The following ANO3 variants were observed in gnomAD, a reference collection of about 807,000 sequenced individuals.
ANO3 encodes anoctamin 3, also known as anoctamin-3.
A neutral mutation model predicts 144.8 loss-of-function variants in ANO3; 99 were observed. That is an observed-to-expected ratio of 0.68 (90% CI 0.58 to 0.81). ANO3 has a LOEUF of 0.81. Among genes scored for constraint, ANO3 ranks in the 30% least tolerant of loss-of-function variants. ANO3 has a pLI of 0.00. For missense variants in ANO3, 905 were observed against 1,202.2 expected (o/e 0.75, Z 3.66); for synonymous variants, 414 against 392.6 (o/e 1.05, Z -0.64).
intron 1 of ANO3, among the ~76,000 whole-genome samples, chr11:26,283,317 A>ATATATAT (rs1853720327): frequency 2.6e-5 from 2 of 77,590 alleles, no homozygotes; most frequent in East Asian, 4.2e-4. Flanking sequence ...TAAACAAATA[A>ATATATAT]ATAAATATAT....
At chr11:26,450,156 C>T (rs1284609163) in intron 3 of ANO3, among the ~76,000 whole-genome samples, 1 of 152,148 alleles carries the variant, frequency 6.6e-6, no homozygotes, top group Non-Finnish European at 1.5e-5. Flanking sequence ...GATGACTGTT[C>T]ACTAGATGAT....
intron 1 of ANO3, among the ~76,000 whole-genome samples, chr11:26,432,351 A>G (rs137995171): frequency 0.011 from 1,749 of 152,188 alleles, 16 homozygotes; most frequent in Non-Finnish European, 0.018. Flanking sequence ...TTCTTCCCCT[A>G]TGTAGGCTGT....
Position 26,272,378 on chromosome 11 carries a change from A to G in ANO3, c.155-37267A>G, listed in dbSNP as rs1032873118. ...ATTGTTTTAATAAAATGAAAAGGAAATTTGTGAATTTGTCCCCAGCAGGCA... is the reference window on the plus strand; with the variant it reads ...ATTGTTTTAATAAAATGAAAAGGAAGTTTGTGAATTTGTCCCCAGCAGGCA... On this transcript the variant is annotated intron_variant, in intron 1 of 27. Transcript: ENST00000672621. 1.6e-4 allele frequency among the ~76,000 whole-genome samples: 24 copies of G among 152,282 alleles called. No homozygotes were observed. The South Asian group carries it at 2.3e-3, about 14-fold the overall frequency.
intron 1 of ANO3, among the ~76,000 whole-genome samples, chr11:26,195,562 A>G (rs1393277981): frequency 6.6e-6 from 1 of 152,176 alleles, no homozygotes; most frequent in Non-Finnish European, 1.5e-5. Context: ...CATTATCTAG[A>G]CCAAAGTGAC....
chr11:26,239,579 T>C lies in ANO3; in HGVS notation c.154+50249T>C, dbSNP rs76112367. ...GATTTTTCCTTTCTTGCTACTATAG[T>C]AGCTTTTACTCTTAGTCACATTCCC... On this transcript the variant is annotated intron_variant, in intron 1 of 27. Transcript: ENST00000672621. Among the ~76,000 whole-genome samples, 1,200 of 152,248 alleles carry C rather than the reference T, an allele frequency of 7.9e-3. 18 individuals are homozygous for C. Among genetic ancestry groups the C allele is most frequent in the African/African-American group, 0.027 (1,128 of 41,546 alleles).
chr11:26,283,591 GATT>G, intron 1 of ANO3, among the ~76,000 whole-genome samples: 1 of 151,906 alleles, frequency 6.6e-6, no homozygotes, highest in Admixed American at 6.6e-5. Context: ...AAGAGAAAAG[GATT>G]ATCACTTAGT....
At chr11:26,418,814 G>A (rs1857668554) in intron 1 of ANO3, among the ~76,000 whole-genome samples, 1 of 151,948 alleles carries the variant, frequency 6.6e-6, no homozygotes, top group African/African-American at 2.4e-5. Context: ...AGTAAATGAA[G>A]AGGCATAGAT....
At chr11:26,309,935 G>A (rs996764212) in intron 1 of ANO3, among the ~76,000 whole-genome samples, 5 of 152,044 alleles carry the variant, frequency 3.3e-5, no homozygotes, top group Non-Finnish European at 7.4e-5. Context: ...TAATAAAAAC[G>A]CATTTACTTA....
At position 26,365,971 on chromosome 11, in the gene ANO3, TATATATATATATATATATATATA is replaced by T. The variant is rs1390589098; in HGVS notation, c.46+33651_46+33673del. On this transcript the variant is annotated intron_variant, in intron 1 of 26. Coordinates refer to ENST00000256737, the MANE Select transcript of ANO3 (RefSeq NM_031418.4). ...TTTTTTCTTTATATATATATATATATATATATATATATATATATATATATATATATATTTTAATTATACTTTAA... is the reference window on the plus strand; with the variant it reads ...TTTTTTCTTTATATATATATATATATTATATATATTTTAATTATACTTTAA... Among the ~76,000 whole-genome samples, 117 of 68,620 alleles carry T rather than the reference TATATATATATATATATATATATA, an allele frequency of 1.7e-3. 2 individuals carry two copies. The highest frequency in any genetic ancestry group is 7.8e-3 in the South Asian group (16 of 2,064). The allele number at this position is 68,620 out of a possible 152,430, so 45.0% of individuals were successfully genotyped here.
At chr11:26,233,545 G>A (rs1427056477) in intron 1 of ANO3, among the ~76,000 whole-genome samples, 2 of 152,260 alleles carry the variant, frequency 1.3e-5, no homozygotes, top group South Asian at 2.1e-4. Flanking sequence ...GGTTCCTCAA[G>A]GATCTAGAAC....
At chr11:26,293,088 C>G (rs1853997217) in intron 1 of ANO3, among the ~76,000 whole-genome samples, 1 of 152,188 alleles carries the variant, frequency 6.6e-6, no homozygotes, top group South Asian at 2.1e-4. Flanking sequence ...AAATTTGGGT[C>G]AGCTTCACTT....
chr11:26,202,733 A>G (rs1851722639), intron 1 of ANO3, among the ~76,000 whole-genome samples: 1 of 152,066 alleles, frequency 6.6e-6, no homozygotes, highest in Admixed American at 6.6e-5. Flanking sequence ...TGAGGAAAAA[A>G]AAAATCAGTG....
chr11:26,196,926 G>A (rs1156292440), intron 1 of ANO3, among the ~76,000 whole-genome samples: 1 of 152,146 alleles, frequency 6.6e-6, no homozygotes, highest in East Asian at 1.9e-4. Flanking sequence ...CTCATTAAGA[G>A]AGAATAAAAC....
At chr11:26,537,497 G>A in intron 10 of ANO3, 36 bp downstream of exon 10, 1 of 1,540,242 alleles carries the variant, frequency 6.5e-7, no homozygotes, top group Non-Finnish European at 9.0e-7. Flanking sequence ...TTATAAACAA[G>A]GTTTTCATGC....
chr11:26,347,744 A>C lies in ANO3; in HGVS notation c.46+15423A>C, dbSNP rs74371837. Among the ~76,000 whole-genome samples, 791 of 152,340 alleles carry C rather than the reference A, an allele frequency of 5.2e-3. 6 individuals are homozygous for C. Among genetic ancestry groups the C allele is most frequent in the African/African-American group, 0.018 (761 of 41,578 alleles). On this transcript the variant is annotated intron_variant, in intron 1 of 26. Coordinates refer to ENST00000256737, the MANE Select transcript of ANO3 (RefSeq NM_031418.4). Reference sequence around the variant, plus strand: ...ATAGACAAAAGAAAATGAAAGAGCAATTACAGGAAGGCAAAAAAGTTTGGA... The same window carrying C: ...ATAGACAAAAGAAAATGAAAGAGCACTTACAGGAAGGCAAAAAAGTTTGGA...
intron 18 of ANO3, among the ~76,000 whole-genome samples, chr11:26,630,399 G>A (rs1300797963): frequency 6.6e-6 from 1 of 152,318 alleles, no homozygotes; most frequent in South Asian, 2.1e-4. Flanking sequence ...TGGCCACATA[G>A]ATTCCTTTAT....
At chr11:26,284,821 C>T (rs953674084) in intron 1 of ANO3, among the ~76,000 whole-genome samples, 5 of 152,106 alleles carry the variant, frequency 3.3e-5, no homozygotes, top group African/African-American at 7.2e-5. Context: ...CAGAAGATGA[C>T]GTGAACCTGG....
intron 19 of ANO3, 150 bp downstream of exon 19, chr11:26,634,465 G>A: frequency 1.8e-6 from 1 of 565,876 alleles, no homozygotes. Context: ...CTGCATTTGA[G>A]CTGAATTATG....
chr11:26,233,220 A>AAG (rs1207714175), intron 1 of ANO3, among the ~76,000 whole-genome samples: 1 of 151,582 alleles, frequency 6.6e-6, no homozygotes, highest in East Asian at 1.9e-4. Context: ...CCGTCTCAAA[A>AAG]AAAAAAAAAG....
Sources: allele counts gnomAD v4.1 joint callset (sites outside exome capture counted in the v4.1 genomes callset), GRCh38; gene constraint gnomAD v4.1.1; transcripts MANE v1.5; gene names NCBI Gene and HGNC (gene_info 2026-07-23, HGNC 2026-07-21).